Variants in PEBP4 observed in about 807,000 individuals in gnomAD.
The protein encoded by PEBP4 is phosphatidylethanolamine-binding protein 4.
A neutral mutation model predicts 23.9 loss-of-function variants in PEBP4; 22 were observed. That is an observed-to-expected ratio of 0.92 (90% confidence interval 0.66 to 1.31). The LOEUF is 1.31. Ranked by LOEUF, PEBP4 falls within the 40% of genes most tolerant of loss-of-function variation. The pLI is 0.00. For missense variants in PEBP4, 324 were observed against 281.7 expected, an observed-to-expected ratio of 1.15 and a Z score of -1.07; for synonymous variants, 112 against 99.3, an observed-to-expected ratio of 1.13 and a Z score of -0.76.
chr8:22,878,204 T>C (rs1585319556), intron 3 of PEBP4: 3 of 54,256 alleles, frequency 5.5e-5, no homozygotes, highest in African/African-American at 2.2e-4. Context: ...GGGTGGAGGG[T>C]GAGCATGGAG....
intron 3 of PEBP4, among the ~76,000 whole-genome samples, chr8:22,908,024 AAG>A (rs1554496442): frequency 6.6e-6 from 1 of 151,824 alleles, no homozygotes; most frequent in Non-Finnish European, 1.5e-5. Flanking sequence ...AAAAAAAAAA[AAG>A]AGATACTGAT....
intron 4 of PEBP4, among the ~76,000 whole-genome samples, chr8:22,787,354 C>T (rs1806048951): frequency 6.6e-6 from 1 of 151,980 alleles, no homozygotes; most frequent in African/African-American, 2.4e-5. Context: ...GAGAAGAGGT[C>T]AGAGGGCAAG....
chr8:22,921,160 A>G (rs1177620158), intron 2 of PEBP4, among the ~76,000 whole-genome samples: 1 of 152,264 alleles, frequency 6.6e-6, no homozygotes, highest in Non-Finnish European at 1.5e-5. Context: ...AAGATTTTTC[A>G]AAGACATTTT....
At chr8:22,714,078 G>A (rs148778448) in intron 6 of PEBP4, among the ~76,000 whole-genome samples, 2 of 152,370 alleles carry the variant, frequency 1.3e-5, no homozygotes, top group South Asian at 2.1e-4. Flanking sequence ...CAGGACAGGG[G>A]GTGCACCAGT....
At chr8:22,845,122 C>T (rs1807402844) in intron 3 of PEBP4, among the ~76,000 whole-genome samples, 1 of 152,212 alleles carries the variant, frequency 6.6e-6, no homozygotes, top group South Asian at 2.1e-4. Context: ...GGTCCTCATG[C>T]ATCCCCTATA....
chr8:22,783,009 C>T (rs1214434938), intron 4 of PEBP4, among the ~76,000 whole-genome samples: 2 of 152,210 alleles, frequency 1.3e-5, no homozygotes, highest in Non-Finnish European at 2.9e-5. Flanking sequence ...CCAGCAACTG[C>T]AGGTTCCATC....
chr8:22,903,635 C>T (rs1344661160), intron 3 of PEBP4, among the ~76,000 whole-genome samples: 2 of 152,216 alleles, frequency 1.3e-5, no homozygotes, highest in African/African-American at 4.8e-5. Context: ...GCCCCCAGCC[C>T]GGGCTCCTGC....
At chr8:22,721,124 TA>T (rs1160605170) in intron 6 of PEBP4, among the ~76,000 whole-genome samples, 3 of 152,090 alleles carry the variant, frequency 2.0e-5, no homozygotes, top group African/African-American at 4.8e-5. Context: ...AGACCTCTAC[TA>T]GGAAGTATCA....
rs71274535 is a variant in PEBP4 at position 22,850,556 on chromosome 8, C to CGTGT, written c.259-32825_259-32822dup. Among the ~76,000 whole-genome samples, 165 of 150,684 alleles carry CGTGT rather than the reference C, an allele frequency of 1.1e-3. 1 individual carries two copies. The highest frequency in any genetic ancestry group is 3.6e-3 in the African/African-American group (148 of 41,142). ...GGTCTGAAAACATCTCCATGGCAAG[C>CGTGT]GTGTGTGTGTGTGTGTGTCTGTGTG... is the stretch of plus-strand genomic sequence containing the variant. On this transcript the variant is annotated intron_variant, in intron 3 of 6. Transcript: ENST00000256404.
chr8:22,812,397 T>G (rs751564594), intron 4 of PEBP4, among the ~76,000 whole-genome samples: 4 of 152,220 alleles, frequency 2.6e-5, no homozygotes, highest in Non-Finnish European at 5.9e-5. Flanking sequence ...TCCCTTTCCC[T>G]TCAGGGTGGC....
At chr8:22,761,572 A>G (rs938138122) in intron 4 of PEBP4, among the ~76,000 whole-genome samples, 1 of 152,222 alleles carries the variant, frequency 6.6e-6, no homozygotes, top group Non-Finnish European at 1.5e-5. Flanking sequence ...TTTCAGAGGT[A>G]ATGTTCTGAC....
At chr8:22,873,272 G>T (rs1005542747) in intron 3 of PEBP4, among the ~76,000 whole-genome samples, 1 of 152,166 alleles carries the variant, frequency 6.6e-6, no homozygotes, top group African/African-American at 2.4e-5. Flanking sequence ...GCGATGAAAA[G>T]ATGTCTTAGG....
intron 2 of PEBP4, among the ~76,000 whole-genome samples, chr8:22,921,677 G>A (rs902722300): frequency 5.9e-5 from 9 of 152,362 alleles, no homozygotes; most frequent in African/African-American, 2.2e-4. Context: ...GAAGCCGGAT[G>A]AGTCATGGGC....
chr8:22,819,043 T>A (rs1259348731), intron 3 of PEBP4, among the ~76,000 whole-genome samples: 1 of 152,134 alleles, frequency 6.6e-6, no homozygotes, highest in African/African-American at 2.4e-5. Flanking sequence ...AGAATATAGG[T>A]ATGCATGTCG....
At chr8:22,839,239 G>T (rs182646083) in intron 3 of PEBP4, among the ~76,000 whole-genome samples, 6 of 152,242 alleles carry the variant, frequency 3.9e-5, no homozygotes, top group Non-Finnish European at 8.8e-5. Flanking sequence ...ACGTGGTGTT[G>T]GTCATCACGG....
intron 1 of PEBP4, among the ~76,000 whole-genome samples, chr8:22,940,383 GGCACCTAGAAACGCCATGAAGAAA>G (rs1486636514): frequency 6.6e-6 from 1 of 152,110 alleles, no homozygotes; most frequent in Non-Finnish European, 1.5e-5. Flanking sequence ...CTCATAGATA[GGCACCTAGAAACGCCATGAAGAAA>G]GTCACAAATA....
intron 4 of PEBP4, among the ~76,000 whole-genome samples, chr8:22,800,750 T>A (rs1585279896): frequency 6.6e-6 from 1 of 152,076 alleles, no homozygotes; most frequent in Non-Finnish European, 1.5e-5. Context: ...CAGAGCTGAG[T>A]GTCCTGCCCA....
chr8:22,794,283 A>G (rs1416978718), intron 4 of PEBP4, among the ~76,000 whole-genome samples: 1 of 134,274 alleles, frequency 7.4e-6, no homozygotes, highest in Non-Finnish European at 1.6e-5. Context: ...CAACCCTGTG[A>G]GAGGTACGCA....
chr8:22,736,649 T>C (rs1453856056), intron 4 of PEBP4, among the ~76,000 whole-genome samples: 2 of 152,126 alleles, frequency 1.3e-5, no homozygotes, highest in African/African-American at 4.8e-5. Context: ...AAAGCAAATA[T>C]CAGGAGTTTG....
Sources: allele counts gnomAD v4.1 joint callset (sites outside exome capture counted in the v4.1 genomes callset), GRCh38; gene constraint gnomAD v4.1.1; transcripts MANE v1.5; gene names NCBI Gene and HGNC (gene_info 2026-07-23, HGNC 2026-07-21).